Variants in LSM14A observed in about 807,000 individuals in gnomAD.
The protein encoded by LSM14A is LSM14A mRNA processing body assembly factor.
A neutral mutation model predicts 52.4 loss-of-function variants in LSM14A; 14 were observed. The observed-to-expected ratio is 0.27, with a 90% CI of 0.18 to 0.42. The LOEUF (loss-of-function observed/expected upper bound fraction) is 0.42, where lower values mean the gene tolerates loss of function less well. Ranked by LOEUF, LSM14A falls within the 10% of genes least tolerant of loss-of-function variation. LSM14A has a pLI of 1.00. For synonymous variants in LSM14A, 185 were observed against 200.3 expected, an observed-to-expected ratio of 0.92 and a Z score of 0.64; for missense variants, 417 against 581.8, an observed-to-expected ratio of 0.72 and a Z score of 2.91.
intron 1 of LSM14A, among the ~76,000 whole-genome samples, chr19:34,184,259 G>A (rs3097335): frequency 0.36 from 54,260 of 151,748 alleles, 10,223 homozygotes; most frequent in African/African-American, 0.43. Context: ...CACCATGTTG[G>A]CCAGGCTGGT....
intron 6 of LSM14A, among the ~76,000 whole-genome samples, chr19:34,218,172 G>GT (rs2072806367): frequency 6.6e-6 from 1 of 151,502 alleles, no homozygotes; most frequent in African/African-American, 2.4e-5. Flanking sequence ...CCTGGCTAAT[G>GT]TTTCTGTATT....
At chr19:34,218,964 T>C (rs1233403278) in intron 6 of LSM14A, among the ~76,000 whole-genome samples, 1 of 152,248 alleles carries the variant, frequency 6.6e-6, no homozygotes, top group Non-Finnish European at 1.5e-5. Flanking sequence ...GTTCCTGTTA[T>C]TCTTTCCATA....
At chr19:34,196,585 T>C in intron 2 of LSM14A, 49 bp from the exon 3 acceptor site, 2 of 1,533,084 alleles carry the variant, frequency 1.3e-6, no homozygotes, top group Non-Finnish European at 1.7e-6. Context: ...TTTTTCGTTA[T>C]ATACATGTTG....
At chr19:34,174,883 T>G (rs1366153761) in intron 1 of LSM14A, among the ~76,000 whole-genome samples, 1 of 152,224 alleles carries the variant, frequency 6.6e-6, no homozygotes, top group Non-Finnish European at 1.5e-5. Flanking sequence ...GTTGGCTGTG[T>G]TACCTTTATT....
At chr19:34,185,344 A>G (rs1434376572) in intron 1 of LSM14A, among the ~76,000 whole-genome samples, 6 of 152,172 alleles carry the variant, frequency 3.9e-5, no homozygotes, top group South Asian at 2.1e-4. Flanking sequence ...AGGGGTGTTA[A>G]GTTCGTAGTG....
chr19:34,205,545 G>C (rs968133417), intron 3 of LSM14A, among the ~76,000 whole-genome samples: 1 of 150,304 alleles, frequency 6.7e-6, no homozygotes. Flanking sequence ...AGCTGGGCAT[G>C]GTGGTGAATG....
intron 1 of LSM14A, among the ~76,000 whole-genome samples, chr19:34,173,420 G>A (rs10422534): frequency 0.084 from 12,744 of 152,132 alleles, 712 homozygotes; most frequent in South Asian, 0.16. Context: ...CTGCCCCGAC[G>A]CCCCTGTTTC....
chr19:34,201,522 T>A (rs1299708729), intron 3 of LSM14A, among the ~76,000 whole-genome samples: 1 of 152,134 alleles, frequency 6.6e-6, no homozygotes, highest in Admixed American at 6.5e-5. Context: ...TTTGTATTTT[T>A]AGTAGAGACA....
chr19:34,220,667 G>A (rs1220922100), intron 8 of LSM14A, among the ~76,000 whole-genome samples: 2 of 152,202 alleles, frequency 1.3e-5, no homozygotes, highest in Admixed American at 1.3e-4. Flanking sequence ...GCCCTCTGGT[G>A]GCAGTTGTTT....
chr19:34,214,381 G>A (rs1264687472), intron 4 of LSM14A, among the ~76,000 whole-genome samples: 2 of 151,250 alleles, frequency 1.3e-5, no homozygotes, highest in African/African-American at 4.9e-5. Flanking sequence ...GCACAATCTC[G>A]GCTCACTGCA....
chr19:34,198,928 G>A (rs760510036), intron 3 of LSM14A, among the ~76,000 whole-genome samples: 76 of 151,678 alleles, frequency 5.0e-4, no homozygotes, highest in Non-Finnish European at 6.6e-4. Flanking sequence ...CGGAGCTTGC[G>A]GTGAGCCAAG....
Position 34,172,777 on chromosome 19 carries a change from G to A in LSM14A, c.121+14G>A, listed in dbSNP as rs746064547. ...CCCTTGCCAAAGGTACGCGGGACCG[G>A]GCCTCAGGGTGGGGGCCGAGCCGGG... On this transcript the variant is annotated intron_variant, in intron 1 of 9. Transcript: ENST00000544216. The A allele has an allele frequency of 4.0e-5, 62 of 1,564,776 alleles. No homozygotes were observed. The highest frequency in any genetic ancestry group is 5.3e-5 in the Non-Finnish European group (61 of 1,157,980).
At chr19:34,205,131 C>A (rs2071588773) in intron 3 of LSM14A, among the ~76,000 whole-genome samples, 2 of 151,796 alleles carry the variant, frequency 1.3e-5, no homozygotes, top group South Asian at 4.2e-4. Flanking sequence ...GACTTTGTCT[C>A]AAATAAAAAG....
At chr19:34,198,928 G>T (rs760510036) in intron 3 of LSM14A, among the ~76,000 whole-genome samples, 1 of 151,562 alleles carries the variant, frequency 6.6e-6, no homozygotes, top group Admixed American at 6.6e-5. Context: ...CGGAGCTTGC[G>T]GTGAGCCAAG....
At chr19:34,226,232 A>G (rs547534942) in intron 9 of LSM14A, among the ~76,000 whole-genome samples, 3 of 152,264 alleles carry the variant, frequency 2.0e-5, no homozygotes, top group East Asian at 3.9e-4. Flanking sequence ...TTAAGCCACC[A>G]TGGTGGGTGA....
chr19:34,215,428 T>G, intron 5 of LSM14A, 128 bp downstream of exon 5: 4 of 1,176,516 alleles, frequency 3.4e-6, no homozygotes, highest in Non-Finnish European at 4.7e-6. Context: ...ATAGAATGTT[T>G]GGTCTTTCAA....
chr19:34,205,958 G>A (rs1349469849), intron 3 of LSM14A, among the ~76,000 whole-genome samples: 4 of 151,910 alleles, frequency 2.6e-5, no homozygotes, highest in Admixed American at 1.3e-4. Flanking sequence ...AAGAGTAGAC[G>A]TCAGTATAGA....
chr19:34,226,375 C>CTTTTTTTTTTTTTTTTTTT, intron 9 of LSM14A: 1 of 1,195,542 alleles, frequency 8.4e-7, no homozygotes, highest in Non-Finnish European at 1.1e-6. Context: ...ATCTCTTTCT[C>CTTTTTTTTTTTTTTTTTTT]TTTTTTTTTT....
At chr19:34,187,423 C>T (rs183186915) in intron 1 of LSM14A, among the ~76,000 whole-genome samples, 84 of 152,118 alleles carry the variant, frequency 5.5e-4, no homozygotes, top group Non-Finnish European at 1.0e-3. Context: ...GGATTACAGG[C>T]GTGTGCCACC....
Sources: gnomAD v4.1 joint callset for allele counts (sites outside exome capture counted in the v4.1 genomes callset) on GRCh38, gnomAD v4.1.1 for gene constraint, MANE v1.5 for transcripts, NCBI Gene and HGNC (gene_info 2026-07-23, HGNC 2026-07-21) for gene names.